Variants in CELA1 observed in about 807,000 individuals in gnomAD.
CELA1 encodes chymotrypsin-like elastase family member 1.
Under a neutral mutation model 34.8 loss-of-function variants are expected in CELA1, and 28 were observed. The ratio of observed to expected loss-of-function variants is 0.80; its 90% CI spans 0.60 to 1.10. The LOEUF is 1.10. CELA1 is among the 50% of genes least tolerant of loss of function. CELA1 has a pLI of 0.00. For missense variants in CELA1, 288 were observed against 327.5 expected, an observed-to-expected ratio of 0.88 and a Z score of 0.93; for synonymous variants, 140 against 129.8, an observed-to-expected ratio of 1.08 and a Z score of -0.53.
rs751595820 is a variant in CELA1, at chr12:51,340,018, C to T, written c.464-13G>A. Reference sequence around the variant, plus strand: ...AGCTGCCCATTGGCTGAACAGGACACACGGCATTGGCAGTCAGCTCCAGAT... The same window carrying T: ...AGCTGCCCATTGGCTGAACAGGACATACGGCATTGGCAGTCAGCTCCAGAT... On this transcript the variant is annotated splice_polypyrimidine_tract_variant and intron_variant, in intron 5 of 7. Coordinates refer to ENST00000293636, the MANE Select transcript of CELA1 (RefSeq NM_001971.6). 6 of 1,610,004 alleles carry T rather than the reference C, an allele frequency of 3.7e-6. No homozygotes were observed. The South Asian group carries it at 4.4e-5, about 12-fold the overall frequency.
Position 51,329,566 on chromosome 12 carries a change from A to G in CELA1, c.759+118T>C, listed in dbSNP as rs1031463257. 1.3e-4 allele frequency: 140 copies of G among 1,095,710 alleles called. 1 individual carries two copies. The highest frequency in any genetic ancestry group is 1.7e-4 in the Non-Finnish European group (129 of 767,892). 67.9% of individuals were successfully genotyped at this position (1,095,710 alleles called of 1,614,324 possible). ...GGAAGGAAGGGAAGGGAGTAAACAC[A>G]TGAATGTGGTAAGGAAGATGACGGC... On this transcript the variant is annotated intron_variant, in intron 7 of 7. Transcript: ENST00000293636.
intron 6 of CELA1, 46 bp downstream of exon 6, chr12:51,339,814 G>C (rs1271346054): frequency 6.9e-6 from 11 of 1,591,654 alleles, no homozygotes; most frequent in Non-Finnish European, 9.4e-6. Flanking sequence ...GGAGGGATAG[G>C]CAGAGAGTGG....
intron 6 of CELA1, among the ~76,000 whole-genome samples, chr12:51,337,419 C>A (rs192402708): frequency 1.3e-5 from 2 of 151,200 alleles, no homozygotes; most frequent in South Asian, 4.2e-4. Context: ...TGCCTGTGAT[C>A]CTAGCTACTT....
rs999955911 is a variant in CELA1, at chr12:51,334,594, C to T, written c.610-4761G>A. Among the ~76,000 whole-genome samples the T allele has an allele frequency of 3.3e-5, 5 of 152,126 alleles. No homozygotes were observed. The East Asian group carries it at 7.7e-4, about 23-fold the overall frequency. On this transcript the variant is annotated intron_variant, in intron 6 of 7. Transcript: ENST00000293636. ...GACTACAGGCACCCGCCACCACACC[C>T]GGCTAATTTTTTTGTATTTTTAGTA...
intron 2 of CELA1, among the ~76,000 whole-genome samples, chr12:51,344,868 T>A (rs1946556508): frequency 6.6e-6 from 1 of 152,096 alleles, no homozygotes; most frequent in African/African-American, 2.4e-5. Flanking sequence ...CTCATGCCTG[T>A]AATCCCAGCA....
chr12:51,332,187 TA>T (rs35398341), intron 6 of CELA1, among the ~76,000 whole-genome samples: 38,791 of 140,040 alleles, frequency 0.28, 5,160 homozygotes, highest in Middle Eastern at 0.33. Flanking sequence ...CCTGTCTCTT[TA>T]AAAAAAAAAA....
intron 7 of CELA1, 94 bp from the exon 8 acceptor site, chr12:51,328,688 G>A: frequency 1.4e-6 from 2 of 1,417,990 alleles, no homozygotes; most frequent in Non-Finnish European, 2.0e-6. Context: ...GTTTTGTACT[G>A]GGTTTATGGG....
chr12:51,329,149 G>A (rs1259295358), intron 7 of CELA1, among the ~76,000 whole-genome samples: 6 of 151,214 alleles, frequency 4.0e-5, no homozygotes, highest in Non-Finnish European at 8.8e-5. Flanking sequence ...AACTACTTGG[G>A]AGGCTGAAGC....
rs202212609 is a variant in CELA1 at position 51,342,549 on chromosome 12, C to A, written c.326+26G>T. ...GCTAGTCAGGCCTCACCGCCCAGCC[C>A]AGGGCCAGCTTGGACTTGCTCCTAC... On this transcript the variant is annotated intron_variant, in intron 4 of 7. Transcript: ENST00000293636. The A allele has an allele frequency of 3.1e-6, 5 of 1,613,974 alleles. No individual in the cohort carries two copies. The East Asian group carries it at 1.1e-4, about 36-fold the overall frequency.
intron 4 of CELA1, among the ~76,000 whole-genome samples, chr12:51,342,076 G>A (rs1050164147): frequency 2.6e-5 from 4 of 152,160 alleles, no homozygotes; most frequent in African/African-American, 9.7e-5. Flanking sequence ...GTCTCACTCT[G>A]TCACCCAGGC....
chr12:51,330,020 T>C (rs1592294589), intron 6 of CELA1, among the ~76,000 whole-genome samples, 187 bp from the exon 7 acceptor site: 2 of 152,198 alleles, frequency 1.3e-5, no homozygotes, highest in African/African-American at 2.4e-5. Flanking sequence ...ACAATACTTC[T>C]TCTCTTTTGC....
chr12:51,332,783 C>G (rs2137475705), intron 6 of CELA1, among the ~76,000 whole-genome samples: 2 of 152,006 alleles, frequency 1.3e-5, no homozygotes, highest in South Asian at 4.2e-4. Flanking sequence ...CACAAGAACC[C>G]AGGAGGAGGA....
intron 6 of CELA1, among the ~76,000 whole-genome samples, chr12:51,337,166 A>G (rs1485789113): frequency 6.6e-6 from 1 of 152,136 alleles, no homozygotes; most frequent in Non-Finnish European, 1.5e-5. Context: ...CTCTTCTGTT[A>G]AGGGCCAAAC....
chr12:51,341,299 TC>T lies in CELA1; in HGVS notation c.407del (p.Gly136GlufsTer51), dbSNP rs1946533040. 1 of 1,614,064 alleles carries T rather than the reference TC, an allele frequency of 6.2e-7. No homozygotes were observed. The highest frequency in any genetic ancestry group is 1.3e-5 in the African/African-American group (1 of 75,018). ...AGGGACTGTTGTTAGCCAGGATGGC[TC>T]CCTCCTGGGGCAGAACACCCAGCTG... is the stretch of plus-strand genomic sequence containing the variant. ...YVQLGVLPQEGAILANNSPCY... is the reference protein window; with the variant it reads ...YVQLGVLPQEXAILANNSPCY... On this transcript the variant is annotated frameshift_variant, in exon 5 of 8. Transcript: ENST00000293636. LOFTEE classifies it high-confidence loss of function.
intron 5 of CELA1, among the ~76,000 whole-genome samples, chr12:51,340,380 C>G (rs1030693802): frequency 1.1e-4 from 14 of 130,640 alleles, no homozygotes; most frequent in Non-Finnish European, 2.0e-4. Flanking sequence ...GTTTCCATTT[C>G]TTTCTTTCTT....
At chr12:51,329,253 CAAAAAA>C (rs71089791) in intron 7 of CELA1, among the ~76,000 whole-genome samples, 2 of 102,124 alleles carry the variant, frequency 2.0e-5, no homozygotes, top group African/African-American at 7.7e-5. Flanking sequence ...GACTCTGTCT[CAAAAAA>C]AAAAAAAAAA....
At position 51,329,681 on chromosome 12, in the gene CELA1, C is replaced by CA. The variant is rs762222161; in HGVS notation, c.759+2dup. On this transcript the variant is annotated splice_region_variant and intron_variant, in intron 7 of 7. Transcript: ENST00000293636. Reference sequence around the variant, plus strand: ...TTTCAACCCATCATTTGAGAGGACTCACATTATTTATCCAGGAGATGTAAG... The same window carrying CA: ...TTTCAACCCATCATTTGAGAGGACTCAACATTATTTATCCAGGAGATGTAAG... The CA allele has an allele frequency of 1.2e-6, 2 of 1,606,814 alleles. No individual in the cohort carries two copies. The highest frequency in any genetic ancestry group is 2.2e-5 in the South Asian group (2 of 90,162).
chr12:51,331,536 C>G (rs1236348445), intron 6 of CELA1, among the ~76,000 whole-genome samples: 2 of 152,104 alleles, frequency 1.3e-5, no homozygotes, highest in Non-Finnish European at 2.9e-5. Context: ...AGAGTTGGAA[C>G]ATAAGATAGA....
intron 5 of CELA1, 29 bp downstream of exon 5, chr12:51,341,215 G>T: frequency 6.2e-7 from 1 of 1,612,966 alleles, no homozygotes; most frequent in South Asian, 1.1e-5. Flanking sequence ...AGATCCCCGT[G>T]GTGGATTGTG....
Sources: allele counts gnomAD v4.1 joint callset (sites outside exome capture counted in the v4.1 genomes callset), GRCh38; gene constraint gnomAD v4.1.1; transcripts MANE v1.5; gene names NCBI Gene and HGNC (gene_info 2026-07-23, HGNC 2026-07-21).